Variants in DNAAF9 observed in about 807,000 individuals in gnomAD.
The protein encoded by DNAAF9 is dynein axonemal assembly factor 9.
A neutral mutation model predicts 167.0 loss-of-function variants in DNAAF9; 90 were observed. The ratio of observed to expected loss-of-function variants is 0.54; its 90% confidence interval spans 0.45 to 0.64. The LOEUF is 0.64. DNAAF9 is among the 30% of genes least tolerant of loss of function. The probability of loss-of-function intolerance (pLI) is 0.00; values close to 1 mark genes in which losing one functional copy is unlikely to be tolerated. For missense variants in DNAAF9, 1,315 were observed against 1,442.2 expected (o/e 0.91, Z 1.43); for synonymous variants, 491 against 508.8 (o/e 0.96, Z 0.47).
At chr20:3,281,985 A>G (rs1490072933) in intron 27 of DNAAF9, among the ~76,000 whole-genome samples, 1 of 152,188 alleles carries the variant, frequency 6.6e-6, no homozygotes, top group African/African-American at 2.4e-5. Context: ...ATAACTGGGC[A>G]AGAGTGAGGG....
At chr20:3,345,219 T>C (rs765501753) in intron 8 of DNAAF9, among the ~76,000 whole-genome samples, 4 of 152,186 alleles carry the variant, frequency 2.6e-5, no homozygotes, top group Admixed American at 6.5e-5. Context: ...GGTTTCACTA[T>C]GTTAGTCAGA....
chr20:3,316,265 C>T (rs2069498340), intron 18 of DNAAF9, among the ~76,000 whole-genome samples: 1 of 152,144 alleles, frequency 6.6e-6, no homozygotes, highest in Admixed American at 6.5e-5. Flanking sequence ...CATTCCAAGG[C>T]CCCAGTTTCA....
intron 14 of DNAAF9, among the ~76,000 whole-genome samples, chr20:3,324,447 C>T (rs2069674211): frequency 1.3e-5 from 2 of 152,190 alleles, no homozygotes; most frequent in African/African-American, 4.8e-5. Flanking sequence ...ACCAGATTCT[C>T]AGATGATGCA....
chr20:3,334,074 G>A (rs560503375), intron 10 of DNAAF9, among the ~76,000 whole-genome samples: 1 of 152,162 alleles, frequency 6.6e-6, no homozygotes, highest in East Asian at 1.9e-4. Context: ...TGGTGTAAAG[G>A]TACCTATCCT....
chr20:3,369,078 A>G, intron 6 of DNAAF9, among the ~76,000 whole-genome samples: 1 of 151,944 alleles, frequency 6.6e-6, no homozygotes, highest in East Asian at 2.0e-4. Context: ...GCAGTGAGCC[A>G]AGATCGTGCC....
chr20:3,309,858 T>G (rs889852185), intron 20 of DNAAF9, among the ~76,000 whole-genome samples: 2 of 152,040 alleles, frequency 1.3e-5, no homozygotes, highest in Non-Finnish European at 2.9e-5. Context: ...AAGAAAATAT[T>G]TGCAATATAC....
intron 13 of DNAAF9, among the ~76,000 whole-genome samples, chr20:3,325,450 C>A (rs530435783): frequency 6.6e-6 from 1 of 152,162 alleles, no homozygotes; most frequent in Non-Finnish European, 1.5e-5. Flanking sequence ...TTTGGATAAG[C>A]CTTCTGCATG....
rs369134546 is a variant in DNAAF9, at chr20:3,276,461, T to G, written c.2650+2451A>C. 2.2e-4 allele frequency among the ~76,000 whole-genome samples: 34 copies of G among 152,360 alleles called. 1 individual carries two copies. In the South Asian group the frequency reaches 6.6e-3, roughly 30 times the overall value. On this transcript the variant is annotated intron_variant, in intron 29 of 36. Coordinates refer to ENST00000252032, the MANE Select transcript of DNAAF9 (RefSeq NM_001009984.3). The stretch of plus-strand genomic sequence containing the variant: ...CACAGAGTTTAACACACATTGTCTT[T>G]GCACAATGAGTTGGAAGGCAGTATA...
At chr20:3,288,366 C>T (rs1355255302) in intron 26 of DNAAF9, among the ~76,000 whole-genome samples, 2 of 152,202 alleles carry the variant, frequency 1.3e-5, no homozygotes, top group African/African-American at 4.8e-5. Context: ...AGGAGAATCG[C>T]TTGACCCCGG....
At chr20:3,372,968 A>G (rs907653262) in intron 6 of DNAAF9, among the ~76,000 whole-genome samples, 2 of 152,216 alleles carry the variant, frequency 1.3e-5, no homozygotes, top group Non-Finnish European at 2.9e-5. Flanking sequence ...TCTAACCCCT[A>G]TGGTCTGCCT....
chr20:3,252,574 A>G lies in DNAAF9; in HGVS notation c.3532T>C (p.Ter1178GlnextTer55). ...GGACGTACGGGCCCAGCCTTCCTCTAGGGCTTCAGCTCAAAGAGGTCATGA... is the reference window on the plus strand; with the variant it reads ...GGACGTACGGGCCCAGCCTTCCTCTGGGGCTTCAGCTCAAAGAGGTCATGA... ...EYHDLFELKP[*>Q] The change falls in exon 37 of 37, where the codon TAG (stop) becomes CAG (glutamine). Residue 1178 changes from the stop codon to glutamine, a stop_lost. Transcript: ENST00000252032. 6.5e-7 allele frequency: 1 copy of G among 1,543,418 alleles called. No homozygotes were observed. Among genetic ancestry groups the G allele is most frequent in the Non-Finnish European group, 9.0e-7 (1 of 1,115,444 alleles).
intron 12 of DNAAF9, among the ~76,000 whole-genome samples, chr20:3,328,493 G>T (rs981259458): frequency 6.6e-6 from 1 of 152,080 alleles, no homozygotes; most frequent in African/African-American, 2.4e-5. Flanking sequence ...GGCCTCTGTT[G>T]TCACTTTCAC....
rs947949173 is a variant in DNAAF9, at chr20:3,374,101, C to T, written c.559G>A (p.Ala187Thr). Residue 187 changes from alanine (A) to threonine (T), a missense_variant, in exon 6 of 37, where the codon GCC becomes ACC. Physicochemically the swap from Ala to Thr is moderately conservative, Grantham distance 58 (BLOSUM62 0). Transcript: ENST00000252032. ...CCTCCAATGCCCTCAAGTGCAAAGG[C>T]CTGTACAATTGGCCATTTCTCCACC... is the stretch of plus-strand genomic sequence containing the variant. ...FVVEKWPIVQ[A>T]FALEGIGGDG... 1.2e-6 allele frequency: 2 copies of T among 1,613,814 alleles called. No individual in the cohort carries two copies. The highest frequency in any genetic ancestry group is 2.2e-5 in the East Asian group (1 of 44,874).
chr20:3,253,604 T>C, intron 36 of DNAAF9, 122 bp downstream of exon 36: 2 of 688,396 alleles, frequency 2.9e-6, no homozygotes, highest in Non-Finnish European at 5.3e-6. Context: ...TCAGTGGACA[T>C]GCAGAGTGCT....
intron 1 of DNAAF9, 93 bp from the exon 2 acceptor site, chr20:3,382,599 A>C (rs1037152387): frequency 2.1e-6 from 2 of 942,380 alleles, no homozygotes; most frequent in Non-Finnish European, 3.4e-6. Flanking sequence ...CATGAGGAAG[A>C]GGAATGACTT....
At chr20:3,365,564 G>T (rs1035835674) in intron 6 of DNAAF9, among the ~76,000 whole-genome samples, 5 of 151,892 alleles carry the variant, frequency 3.3e-5, no homozygotes, top group Non-Finnish European at 5.9e-5. Context: ...GCTAATTTTT[G>T]TATTTTTAGT....
intron 1 of DNAAF9, among the ~76,000 whole-genome samples, chr20:3,393,378 G>A (rs6139110): frequency 6.6e-6 from 1 of 151,968 alleles, no homozygotes; most frequent in African/African-American, 2.4e-5. Context: ...GGTGGTTACA[G>A]GGGCATGCCT....
At chr20:3,332,710 C>T (rs1278868014) in intron 10 of DNAAF9, among the ~76,000 whole-genome samples, 1 of 151,668 alleles carries the variant, frequency 6.6e-6, no homozygotes, top group Non-Finnish European at 1.5e-5. Flanking sequence ...GTTATCTGCT[C>T]GCCTTGGCCT....
At chr20:3,381,097 G>A (rs1384087464) in intron 3 of DNAAF9, among the ~76,000 whole-genome samples, 1 of 152,172 alleles carries the variant, frequency 6.6e-6, no homozygotes, top group Admixed American at 6.5e-5. Context: ...AATGGTCAAT[G>A]AAGAGGAAAA....
Sources: allele counts gnomAD v4.1 joint callset (sites outside exome capture counted in the v4.1 genomes callset), GRCh38; gene constraint gnomAD v4.1.1; transcripts MANE v1.5; gene names NCBI Gene and HGNC (gene_info 2026-07-23, HGNC 2026-07-21).